GRAMD4: variants seen among roughly 807,000 people sequenced by gnomAD.
The protein encoded by GRAMD4 is GRAM domain-containing protein 4.
GRAMD4 carries 25 observed loss-of-function variants against 83.9 expected under a neutral mutation model. The observed-to-expected ratio is 0.30, with a 90% CI of 0.22 to 0.42. The LOEUF is 0.42. Ranked by LOEUF, GRAMD4 falls within the 10% of genes least tolerant of loss-of-function variation. GRAMD4 has a pLI of 1.00. For synonymous variants in GRAMD4, 336 were observed against 320.9 expected (o/e 1.05, Z -0.50); for missense variants, 593 against 788.7 (o/e 0.75, Z 2.97).
chr22:46,658,604 G>T (rs898632160), intron 4 of GRAMD4, among the ~76,000 whole-genome samples: 5 of 152,112 alleles, frequency 3.3e-5, no homozygotes, highest in African/African-American at 1.2e-4. Flanking sequence ...CTGAAGAGAG[G>T]CTTGGCATGG....
intron 1 of GRAMD4, among the ~76,000 whole-genome samples, chr22:46,598,545 C>T (rs1031528385): frequency 6.6e-5 from 10 of 151,772 alleles, no homozygotes; most frequent in South Asian, 4.2e-4. Context: ...TTCTGGTTAC[C>T]GGCTTGATTT....
intron 1 of GRAMD4, among the ~76,000 whole-genome samples, chr22:46,597,501 A>T (rs981357582): frequency 6.6e-6 from 1 of 151,732 alleles, no homozygotes; most frequent in African/African-American, 2.4e-5. Context: ...TTATTTATTT[A>T]TTTTTTGAGA....
chr22:46,603,487 G>A (rs2081333424), intron 1 of GRAMD4, among the ~76,000 whole-genome samples: 1 of 140,214 alleles, frequency 7.1e-6, no homozygotes, highest in African/African-American at 2.6e-5. Flanking sequence ...GGGATTACAG[G>A]CATGAGCCAC....
At chr22:46,588,647 C>T (rs1305215742) in intron 1 of GRAMD4, among the ~76,000 whole-genome samples, 1 of 152,196 alleles carries the variant, frequency 6.6e-6, no homozygotes, top group Admixed American at 6.5e-5. Context: ...GTGGCCAGTG[C>T]TCCTGGAGCT....
chr22:46,653,645 C>A (rs1431892080), intron 3 of GRAMD4, among the ~76,000 whole-genome samples: 2 of 152,148 alleles, frequency 1.3e-5, no homozygotes, highest in Admixed American at 6.5e-5. Context: ...CAGGAAGGGG[C>A]GTAGGGGGCA....
At chr22:46,680,721 CCCACCCATCCATCCACCCACCCAT>C (rs1569313667), downstream of GRAMD4, among the ~76,000 whole-genome samples, 1 of 110,246 alleles carries the variant, frequency 9.1e-6, no homozygotes, top group Non-Finnish European at 1.8e-5. Flanking sequence ...CATCCACCCA[CCCACCCATCCATCCACCCACCCAT>C]CCATCCATCC....
intron 3 of GRAMD4, among the ~76,000 whole-genome samples, chr22:46,655,526 T>A (rs966227190): frequency 1.2e-4 from 19 of 152,220 alleles, no homozygotes; most frequent in African/African-American, 4.6e-4. Context: ...GAACCCCAGA[T>A]GTGTAGGGGG....
chr22:46,588,533 C>T (rs1172554399), intron 1 of GRAMD4, among the ~76,000 whole-genome samples: 9 of 152,226 alleles, frequency 5.9e-5, no homozygotes, highest in Non-Finnish European at 1.2e-4. Context: ...TGGCCAGCCA[C>T]GTTCTAAGCT....
chr22:46,658,778 T>C (rs2082283439), intron 4 of GRAMD4, among the ~76,000 whole-genome samples: 1 of 148,178 alleles, frequency 6.7e-6, no homozygotes, highest in African/African-American at 2.6e-5. Context: ...CCATGCCCCC[T>C]GTCTGCCCCA....
intron 1 of GRAMD4, among the ~76,000 whole-genome samples, chr22:46,592,421 G>A (rs2081218683): frequency 6.6e-6 from 1 of 150,968 alleles, no homozygotes; most frequent in Non-Finnish European, 1.5e-5. Flanking sequence ...GCCAGCCTGG[G>A]AAACATAGGG....
upstream of GRAMD4, among the ~76,000 whole-genome samples, chr22:46,576,746 G>C (rs958718879): frequency 6.6e-6 from 1 of 151,006 alleles, no homozygotes; most frequent in African/African-American, 2.4e-5. Context: ...CTAGAAAGGC[G>C]GGCGGTCCCG....
intron 5 of GRAMD4, among the ~76,000 whole-genome samples, chr22:46,662,555 C>T (rs950067662): frequency 3.3e-5 from 5 of 152,242 alleles, no homozygotes; most frequent in African/African-American, 1.2e-4. Flanking sequence ...GCCAGGCACC[C>T]CCAGCCCAGG....
At chr22:46,614,949 ATGTAGGTTCCCCCGTG>A (rs2081459578) in intron 1 of GRAMD4, among the ~76,000 whole-genome samples, 1 of 74,664 alleles carries the variant, frequency 1.3e-5, no homozygotes, top group African/African-American at 5.1e-5. Flanking sequence ...TCCCCTGTGC[ATGTAGGTTCCCCCGTG>A]TGTAGGTTCC....
chr22:46,646,050 C>T (rs1033405377), intron 3 of GRAMD4, among the ~76,000 whole-genome samples: 1 of 152,138 alleles, frequency 6.6e-6, no homozygotes, highest in African/African-American at 2.4e-5. Flanking sequence ...TGGGGGCTTC[C>T]CGGTTGCTAG....
intron 8 of GRAMD4, among the ~76,000 whole-genome samples, chr22:46,665,213 G>A (rs1248679105): frequency 3.9e-5 from 6 of 152,246 alleles, no homozygotes; most frequent in Non-Finnish European, 7.3e-5. Context: ...GGGCACAGAT[G>A]GTGCCTGGCA....
chr22:46,651,592 C>G (rs982231168), intron 3 of GRAMD4, among the ~76,000 whole-genome samples: 4 of 152,242 alleles, frequency 2.6e-5, no homozygotes, highest in Admixed American at 6.5e-5. Context: ...TCTGCTCACA[C>G]ACGTCTTGCA....
upstream of GRAMD4, among the ~76,000 whole-genome samples, chr22:46,617,638 C>T (rs714024): frequency 0.48 from 73,538 of 151,952 alleles, 19,210 homozygotes; most frequent in Non-Finnish European, 0.6. Flanking sequence ...CGGAGACTCA[C>T]GTAGGCATCT....
chr22:46,648,947 G>GATGCATGGATGC lies in GRAMD4; in HGVS notation c.284-9237_284-9236insCATGGATGCATG, dbSNP rs1569288694. On this transcript the variant is annotated intron_variant, in intron 3 of 18. Transcript: ENST00000406902. The stretch of plus-strand genomic sequence containing the variant: ...GGATGGATGGATGCATGGATGGATG[G>GATGCATGGATGC]ATGGATGGATGGATGGATGGATGGA... Among the ~76,000 whole-genome samples, 32 of 80,268 alleles carry GATGCATGGATGC rather than the reference G, an allele frequency of 4.0e-4. 1 individual carries two copies. The highest frequency in any genetic ancestry group is 1.4e-3 in the African/African-American group (31 of 21,700). The allele number at this position is 80,268 out of a possible 152,430, so 52.7% of individuals were successfully genotyped here. A position where few individuals can be genotyped will look rare whatever the true frequency, so the allele number is the denominator to read the frequency against.
Position 46,650,363 on chromosome 22 carries a change from C to T in GRAMD4, c.284-7824C>T, listed in dbSNP as rs529834503. 3.7e-4 allele frequency among the ~76,000 whole-genome samples: 47 copies of T among 125,794 alleles called. No homozygotes were observed. The South Asian group carries it at 5.3e-3, about 14-fold the overall frequency. 82.5% of individuals were successfully genotyped at this position (125,794 alleles called of 152,430 possible). On this transcript the variant is annotated intron_variant, in intron 3 of 18. Transcript: ENST00000406902. ...CGAGGCTGGGTGGAGGGCTGCGTGT[C>T]GAGGCTGGGTGGAGGGCTGGGCGTC...
Sources: gnomAD v4.1 joint callset for allele counts (sites outside exome capture counted in the v4.1 genomes callset) on GRCh38, gnomAD v4.1.1 for gene constraint, MANE v1.5 for transcripts, NCBI Gene and HGNC (gene_info 2026-07-23, HGNC 2026-07-21) for gene names.